Variants in PRKCQ observed in about 807,000 individuals in gnomAD.
PRKCQ encodes protein kinase C theta.
In PRKCQ, 41 loss-of-function variants were observed where a neutral mutation model predicts 91.2. That is an observed-to-expected ratio of 0.45 (90% CI 0.35 to 0.58). The LOEUF (loss-of-function observed/expected upper bound fraction) is 0.58, where lower values mean the gene tolerates loss of function less well. PRKCQ is among the 20% of genes least tolerant of loss of function. The pLI is 0.00. For synonymous variants in PRKCQ, 307 were observed against 316.9 expected, an observed-to-expected ratio of 0.97 and a Z score of 0.33; for missense variants, 673 against 896.5, an observed-to-expected ratio of 0.75 and a Z score of 3.18.
rs1230672130 is a variant in PRKCQ at position 6,553,891 on chromosome 10, A to G, written c.-10+26320T>C. On this transcript the variant is annotated intron_variant, in intron 1 of 17. Coordinates refer to ENST00000263125, the MANE Select transcript of PRKCQ (RefSeq NM_006257.5). ...GGACCTGAAATGTGACTATAATTTT[A>G]TACATTAAAATATAATTGATAGTAC... Among the ~76,000 whole-genome samples, 13 of 152,200 alleles carry G rather than the reference A, an allele frequency of 8.5e-5. 1 individual carries two copies. Among genetic ancestry groups the G allele is most frequent in the Admixed American group, 5.9e-4 (9 of 15,272 alleles).
the PRKCQ span, among the ~76,000 whole-genome samples, chr10:6,418,413 G>C: frequency 1.3e-5 from 2 of 152,184 alleles, no homozygotes; most frequent in African/African-American, 4.8e-5. Flanking sequence ...GTCCCCAGGA[G>C]GTGGAAAGCA....
intron 15 of PRKCQ, among the ~76,000 whole-genome samples, chr10:6,456,328 T>C (rs535999691): frequency 6.6e-5 from 10 of 152,342 alleles, no homozygotes; most frequent in Middle Eastern, 3.4e-3. Flanking sequence ...CCAGGTCTTC[T>C]GACCCCACAG....
chr10:6,396,525 A>G, the PRKCQ span, among the ~76,000 whole-genome samples: 1 of 152,262 alleles, frequency 6.6e-6, no homozygotes, highest in Non-Finnish European at 1.5e-5. Context: ...CATGAGTGGA[A>G]TCATATACTA....
Position 6,491,732 on chromosome 10 carries a change from G to A in PRKCQ, c.741C>T (p.His247=), listed in dbSNP as rs1314953409. Residue 247 remains histidine, a synonymous_variant, in exon 8 of 18, where the codon CAC becomes CAT. Coordinates refer to ENST00000263125, the MANE Select transcript of PRKCQ (RefSeq NM_006257.5). Reference sequence around the variant, plus strand: ...CCAGTCCCCACAGCAGGGTCCCACAGTGTTCACAGAAGGTCGGGCTCTTGT... The same window carrying A: ...CCAGTCCCCACAGCAGGGTCCCACAATGTTCACAGAAGGTCGGGCTCTTGT... ...YNYKSPTFCE[H]CGTLLWGLAR... is the part of the protein sequence containing the mutation. 6.2e-7 allele frequency: 1 copy of A among 1,614,088 alleles called. No individual in the cohort carries two copies. Among genetic ancestry groups the A allele is most frequent in the Non-Finnish European group, 8.5e-7 (1 of 1,180,046 alleles).
chr10:6,520,158 C>T (rs1165606873), intron 1 of PRKCQ, among the ~76,000 whole-genome samples: 2 of 152,226 alleles, frequency 1.3e-5, no homozygotes, highest in Non-Finnish European at 2.9e-5. Flanking sequence ...ATTCGACTCT[C>T]TCCTGGAAAT....
the PRKCQ span, among the ~76,000 whole-genome samples, chr10:6,415,401 A>AATAC: frequency 2.7e-5 from 3 of 110,356 alleles, no homozygotes; most frequent in Admixed American, 1.1e-4. Flanking sequence ...AGCCCAAGAA[A>AATAC]ATACATATAT....
chr10:6,525,030 G>A (rs142655004), intron 1 of PRKCQ, among the ~76,000 whole-genome samples: 1 of 152,254 alleles, frequency 6.6e-6, no homozygotes, highest in East Asian at 1.9e-4. Flanking sequence ...GGTGACTGTT[G>A]CCCACCGTGG....
intron 1 of PRKCQ, among the ~76,000 whole-genome samples, chr10:6,553,489 C>CAAACAAAAAAAA (rs1840270443): frequency 1.1e-4 from 1 of 8,868 alleles, no homozygotes; most frequent in South Asian, 4.5e-3. Flanking sequence ...GACCCTGTCT[C>CAAACAAAAAAAA]AAAAAAAAAA....
At chr10:6,538,189 C>T (rs1839653005) in intron 1 of PRKCQ, among the ~76,000 whole-genome samples, 1 of 152,254 alleles carries the variant, frequency 6.6e-6, no homozygotes, top group Non-Finnish European at 1.5e-5. Context: ...GTGAGGCCCA[C>T]TGTGCTAGTT....
chr10:6,431,138 G>A lies in PRKCQ; in HGVS notation c.1837-200C>T, dbSNP rs964666756. Among the ~76,000 whole-genome samples, 7 of 152,314 alleles carry A rather than the reference G, an allele frequency of 4.6e-5. No homozygotes were observed. In the East Asian group the frequency reaches 1.4e-3, roughly 29 times the overall value. On this transcript the variant is annotated intron_variant, in intron 16 of 17. Coordinates refer to ENST00000263125, the MANE Select transcript of PRKCQ (RefSeq NM_006257.5). ...TTCTAAATTTGCTGGAGTCTGACAC[G>A]TTATCTTCTGAGGTGCATAGACCTG...
At chr10:6,431,670 C>A (rs1335259815) in intron 16 of PRKCQ, among the ~76,000 whole-genome samples, 1 of 152,208 alleles carries the variant, frequency 6.6e-6, no homozygotes, top group East Asian at 1.9e-4. Flanking sequence ...AGTCTGATTT[C>A]TTACAAAGCT....
intron 16 of PRKCQ, among the ~76,000 whole-genome samples, chr10:6,432,359 G>C (rs975121069): frequency 1.3e-5 from 2 of 152,084 alleles, no homozygotes; most frequent in Non-Finnish European, 2.9e-5. Flanking sequence ...CAAACAACAT[G>C]CTATTGTAAA....
intron 7 of PRKCQ, among the ~76,000 whole-genome samples, chr10:6,495,891 T>TC (rs1837559094): frequency 6.6e-6 from 1 of 152,150 alleles, no homozygotes; most frequent in Non-Finnish European, 1.5e-5. Flanking sequence ...AGCCCAGACT[T>TC]CCCCACCAGG....
In PRKCQ at chr10:6,427,503, G is replaced by C. The variant is rs1833172664; in HGVS notation, c.*704C>G. On this transcript the variant is annotated 3_prime_UTR_variant, in exon 18 of 18. Coordinates refer to ENST00000263125, the MANE Select transcript of PRKCQ (RefSeq NM_006257.5). ...TGGATGGAAAGGTTTTTACTGGCAA[G>C]GGTGAAATGATACTATCTTTTCTAT... is the stretch of plus-strand genomic sequence containing the variant. 1 of 152,298 alleles carries C rather than the reference G, an allele frequency of 6.6e-6. No homozygotes were observed. Among genetic ancestry groups the C allele is most frequent in the Non-Finnish European group, 1.5e-5 (1 of 68,084 alleles). 9.4% of individuals were successfully genotyped at this position (152,298 alleles called of 1,614,324 possible).
intron 1 of PRKCQ, among the ~76,000 whole-genome samples, chr10:6,551,617 C>T (rs1168719230): frequency 2.6e-5 from 4 of 152,016 alleles, no homozygotes; most frequent in South Asian, 4.1e-4. Flanking sequence ...AGGATGGTCT[C>T]GATCTCCTGA....
chr10:6,510,734 GT>G (rs1259591254), intron 3 of PRKCQ, among the ~76,000 whole-genome samples: 2 of 152,140 alleles, frequency 1.3e-5, no homozygotes, highest in Non-Finnish European at 2.9e-5. Flanking sequence ...TGCTTTAACA[GT>G]TTTAAATAAT....
intron 15 of PRKCQ, among the ~76,000 whole-genome samples, chr10:6,451,678 A>G (rs540384528): frequency 1.3e-3 from 202 of 152,306 alleles, no homozygotes; most frequent in African/African-American, 4.7e-3. Flanking sequence ...AAAATCCTCA[A>G]TAAAATACTG....
At chr10:6,543,513 A>T (rs1017701816) in intron 1 of PRKCQ, among the ~76,000 whole-genome samples, 4 of 152,240 alleles carry the variant, frequency 2.6e-5, no homozygotes, top group Admixed American at 2.0e-4. Flanking sequence ...AGAAGAGTTC[A>T]GGCATCATTC....
chr10:6,404,711 T>C, the PRKCQ span, among the ~76,000 whole-genome samples: 1 of 148,362 alleles, frequency 6.7e-6, no homozygotes, highest in Non-Finnish European at 1.5e-5. Flanking sequence ...TTTTCTTTCT[T>C]TCTCTCTCTC....
Sources: allele counts gnomAD v4.1 joint callset (sites outside exome capture counted in the v4.1 genomes callset), GRCh38; gene constraint gnomAD v4.1.1; transcripts MANE v1.5; gene names NCBI Gene and HGNC (gene_info 2026-07-23, HGNC 2026-07-21).